The following ADAMTS6 variants were observed in gnomAD, a reference collection of about 807,000 sequenced individuals.
ADAMTS6 encodes the protein ADAM metallopeptidase with thrombospondin type 1 motif 6.
In ADAMTS6, 23 loss-of-function variants were observed where a neutral mutation model predicts 144.3. The observed-to-expected ratio is 0.16, with a 90% CI of 0.11 to 0.23. ADAMTS6 has a LOEUF of 0.23. Ranked by LOEUF, ADAMTS6 falls within the 10% of genes least tolerant of loss-of-function variation. The probability of loss-of-function intolerance (pLI) is 1.00; values close to 1 mark genes in which losing one functional copy is unlikely to be tolerated. For missense variants in ADAMTS6, 999 were observed against 1,379.6 expected (o/e 0.72, Z 4.37); for synonymous variants, 444 against 457.5 (o/e 0.97, Z 0.38).
chr5:65,320,537 A>T (rs72760537), intron 9 of ADAMTS6, among the ~76,000 whole-genome samples: 7,117 of 151,926 alleles, frequency 0.047, 207 homozygotes, highest in East Asian at 0.11. Context: ...AAATAGAAAA[A>T]CCATTTTATT....
intron 9 of ADAMTS6, among the ~76,000 whole-genome samples, chr5:65,325,082 A>C (rs950943526): frequency 6.6e-6 from 1 of 152,180 alleles, no homozygotes; most frequent in African/African-American, 2.4e-5. Flanking sequence ...GAAACTATAG[A>C]AAAGCAAGCC....
chr5:65,350,294 T>A (rs764309156), intron 7 of ADAMTS6, among the ~76,000 whole-genome samples: 3 of 152,232 alleles, frequency 2.0e-5, no homozygotes, highest in Non-Finnish European at 4.4e-5. Context: ...ATTGAGAACA[T>A]CTGGCCTCCA....
chr5:65,372,698 T>C (rs1025214800), intron 7 of ADAMTS6, among the ~76,000 whole-genome samples: 2 of 152,200 alleles, frequency 1.3e-5, no homozygotes, highest in East Asian at 1.9e-4. Context: ...GACAGATCAA[T>C]GAGACAGAAA....
chr5:65,185,384 G>A (rs973829330), intron 22 of ADAMTS6, among the ~76,000 whole-genome samples: 15 of 152,224 alleles, frequency 9.9e-5, no homozygotes, highest in African/African-American at 3.6e-4. Flanking sequence ...AACAAGGGAT[G>A]ATGACAGTGG....
At chr5:65,453,701 A>G (rs1358602785) in intron 4 of ADAMTS6, among the ~76,000 whole-genome samples, 1 of 152,154 alleles carries the variant, frequency 6.6e-6, no homozygotes, top group African/African-American at 2.4e-5. Flanking sequence ...ACTGATTATC[A>G]TCTTCATTAA....
chr5:65,379,808 G>A (rs887764473), intron 7 of ADAMTS6, among the ~76,000 whole-genome samples: 1 of 151,730 alleles, frequency 6.6e-6, no homozygotes, highest in African/African-American at 2.4e-5. Flanking sequence ...ACAAAACTGG[G>A]ATCACACGTA....
At chr5:65,405,779 C>T (rs1754411667) in intron 7 of ADAMTS6, among the ~76,000 whole-genome samples, 1 of 152,160 alleles carries the variant, frequency 6.6e-6, no homozygotes. Context: ...TATCCATGAG[C>T]ATGGAATGTT....
At chr5:65,398,848 GAA>G (rs774079614) in intron 7 of ADAMTS6, among the ~76,000 whole-genome samples, 100 of 141,810 alleles carry the variant, frequency 7.1e-4, no homozygotes, top group Middle Eastern at 3.4e-3. Context: ...AAGAAAGAAA[GAA>G]AAAGAAAGAG....
chr5:65,339,864 G>A (rs1026006548), intron 7 of ADAMTS6, among the ~76,000 whole-genome samples: 1 of 151,990 alleles, frequency 6.6e-6, no homozygotes, highest in Non-Finnish European at 1.5e-5. Context: ...AGGATTTATG[G>A]AACACTAATA....
chr5:65,179,586 T>C (rs1248725696), intron 22 of ADAMTS6, among the ~76,000 whole-genome samples: 1 of 152,182 alleles, frequency 6.6e-6, no homozygotes, highest in African/African-American at 2.4e-5. Flanking sequence ...ATAAGTACAT[T>C]TGTCATGAAT....
intron 8 of ADAMTS6, among the ~76,000 whole-genome samples, chr5:65,329,840 C>T (rs987317213): frequency 7.9e-5 from 12 of 152,166 alleles, no homozygotes; most frequent in African/African-American, 2.9e-4. Flanking sequence ...AATATATCCA[C>T]ATTATTTTTC....
At chr5:65,451,383 A>G in intron 7 of ADAMTS6, 92 bp downstream of exon 7, 1 of 1,441,186 alleles carries the variant, frequency 6.9e-7, no homozygotes, top group East Asian at 2.3e-5. Flanking sequence ...CTCTATACTC[A>G]TTATCTGAAT....
chr5:65,209,038 T>C (rs2112294576), intron 20 of ADAMTS6, among the ~76,000 whole-genome samples: 1 of 152,348 alleles, frequency 6.6e-6, no homozygotes, highest in South Asian at 2.1e-4. Flanking sequence ...TGTGCTTAAA[T>C]TTGAGAACCA....
chr5:65,349,451 C>T (rs1176267399), intron 7 of ADAMTS6, among the ~76,000 whole-genome samples: 12 of 152,010 alleles, frequency 7.9e-5, no homozygotes, highest in Admixed American at 7.9e-4. Context: ...ATTTAAATTT[C>T]AATGTAATCA....
At chr5:65,170,835 T>C in intron 23 of ADAMTS6, 62 bp from the exon 24 acceptor site, 1 of 1,537,564 alleles carries the variant, frequency 6.5e-7, no homozygotes, top group Admixed American at 1.8e-5. Flanking sequence ...AGGTAAAAAA[T>C]ATACTATGTC....
At chr5:65,332,306 T>TAGAGAGAG (rs1465957918) in intron 8 of ADAMTS6, among the ~76,000 whole-genome samples, 1 of 120,612 alleles carries the variant, frequency 8.3e-6, no homozygotes. Flanking sequence ...TATATATATA[T>TAGAGAGAG]ATATATAGAG....
chr5:65,446,035 C>T (rs1055426819), intron 7 of ADAMTS6, among the ~76,000 whole-genome samples: 1 of 152,140 alleles, frequency 6.6e-6, no homozygotes, highest in Non-Finnish European at 1.5e-5. Context: ...AATTCACCCA[C>T]AATCTGAATT....
At chr5:65,223,264 T>A (rs61492617) in intron 18 of ADAMTS6, among the ~76,000 whole-genome samples, 21,634 of 152,224 alleles carry the variant, frequency 0.14, 1,715 homozygotes, top group African/African-American at 0.2. Flanking sequence ...TCAACATACA[T>A]AAACATTGTG....
intron 20 of ADAMTS6, 64 bp from the exon 21 acceptor site, chr5:65,197,215 T>C (rs935456740): frequency 8.9e-6 from 14 of 1,566,326 alleles, no homozygotes; most frequent in Non-Finnish European, 1.2e-5. Context: ...TAGGTATGCA[T>C]AGCTTTCCTC....
Sources: allele counts gnomAD v4.1 joint callset (sites outside exome capture counted in the v4.1 genomes callset), GRCh38; gene constraint gnomAD v4.1.1; transcripts MANE v1.5; gene names NCBI Gene and HGNC (gene_info 2026-07-23, HGNC 2026-07-21).